The following FAM78B variants were observed in gnomAD, a reference collection of about 807,000 sequenced individuals.
FAM78B encodes family with sequence similarity 78 member B.
A neutral mutation model predicts 20.0 loss-of-function variants in FAM78B; 10 were observed. The observed-to-expected ratio is 0.50, with a 90% CI of 0.31 to 0.85. FAM78B has a LOEUF of 0.85. Among genes scored for constraint, FAM78B ranks in the 40% least tolerant of loss-of-function variants. FAM78B has a pLI of 0.05. For synonymous variants in FAM78B, 135 were observed against 132.8 expected (o/e 1.02, Z -0.12); for missense variants, 283 against 345.0 (o/e 0.82, Z 1.42).
At chr1:166,158,737 G>A (rs923727512) in intron 1 of FAM78B, among the ~76,000 whole-genome samples, 4 of 152,236 alleles carry the variant, frequency 2.6e-5, no homozygotes, top group African/African-American at 9.6e-5. Flanking sequence ...GAGGCAACTT[G>A]CCTGATGACT....
chr1:166,109,843 T>TAC (rs1178112241), intron 1 of FAM78B, among the ~76,000 whole-genome samples: 5 of 28,746 alleles, frequency 1.7e-4, no homozygotes, highest in Admixed American at 1.0e-3. Flanking sequence ...TATATATGTA[T>TAC]ATATATATAT....
At chr1:166,084,237 A>ACACACACACACACACACACT (rs771421402) in intron 1 of FAM78B, among the ~76,000 whole-genome samples, 201 of 125,438 alleles carry the variant, frequency 1.6e-3, no homozygotes, top group African/African-American at 5.6e-3. Flanking sequence ...ACACACACAC[A>ACACACACACACACACACACT]CTCTCTCTCT....
At chr1:166,146,143 A>C (rs1408551428) in intron 1 of FAM78B, among the ~76,000 whole-genome samples, 1 of 152,208 alleles carries the variant, frequency 6.6e-6, no homozygotes, top group Non-Finnish European at 1.5e-5. Context: ...AAAGGTCCAG[A>C]ATCTTCCCTG....
At chr1:166,056,184 A>T (rs565419101), downstream of FAM78B, among the ~76,000 whole-genome samples, 8 of 151,930 alleles carry the variant, frequency 5.3e-5, no homozygotes, top group South Asian at 2.1e-4. Context: ...CTTTTCTTAA[A>T]TTTTTTTTCC....
At chr1:166,157,036 AG>A (rs796777949) in intron 1 of FAM78B, among the ~76,000 whole-genome samples, 43 of 944 alleles carry the variant, frequency 0.046, no homozygotes, top group African/African-American at 0.055. Flanking sequence ...GGGGCGGCGG[AG>A]GGGGGGGGGG....
At chr1:166,155,791 G>A (rs992535598) in intron 1 of FAM78B, among the ~76,000 whole-genome samples, 3 of 151,928 alleles carry the variant, frequency 2.0e-5, no homozygotes, top group Non-Finnish European at 2.9e-5. Context: ...GTGTGGTCTC[G>A]GGAGAGGGAA....
At chr1:166,155,254 C>A (rs1655847871) in intron 1 of FAM78B, among the ~76,000 whole-genome samples, 1 of 152,222 alleles carries the variant, frequency 6.6e-6, no homozygotes, top group African/African-American at 2.4e-5. Context: ...ATTCATTCAA[C>A]CCTTATGAGG....
chr1:166,122,825 G>C (rs940837891), intron 1 of FAM78B, among the ~76,000 whole-genome samples: 1 of 151,982 alleles, frequency 6.6e-6, no homozygotes, highest in African/African-American at 2.4e-5. Context: ...CCCCTTCTTT[G>C]GCCATTTCCA....
intron 1 of FAM78B, among the ~76,000 whole-genome samples, chr1:166,083,705 TGTTGATCAGGATG>T (rs1652674329): frequency 1.3e-5 from 2 of 152,136 alleles, no homozygotes; most frequent in Admixed American, 6.5e-5. Flanking sequence ...GGTTTCACTA[TGTTGATCAGGATG>T]GTCTCGATCT....
chr1:166,151,503 C>T (rs919849595), intron 1 of FAM78B, among the ~76,000 whole-genome samples: 7 of 152,226 alleles, frequency 4.6e-5, no homozygotes, highest in Admixed American at 3.3e-4. Flanking sequence ...CCTAAACATT[C>T]CTGGGTTCTG....
intron 1 of FAM78B, among the ~76,000 whole-genome samples, chr1:166,125,824 T>C (rs761182922): frequency 2.1e-5 from 3 of 145,192 alleles, no homozygotes; most frequent in African/African-American, 7.6e-5. Flanking sequence ...ATTGTATTGC[T>C]ACTTTGAATT....
At chr1:166,155,581 C>T (rs999366741) in intron 1 of FAM78B, among the ~76,000 whole-genome samples, 19 of 152,106 alleles carry the variant, frequency 1.2e-4, no homozygotes, top group Admixed American at 3.3e-4. Context: ...TGGTTCTGAA[C>T]GTCAAGAAAA....
chr1:166,127,849 G>C (rs796421631), intron 1 of FAM78B, among the ~76,000 whole-genome samples: 2 of 152,284 alleles, frequency 1.3e-5, no homozygotes, highest in African/African-American at 4.8e-5. Flanking sequence ...ATGGTACCAA[G>C]ATCACACCTC....
chr1:166,089,280 A>C (rs1417509164), intron 1 of FAM78B, among the ~76,000 whole-genome samples: 1 of 152,220 alleles, frequency 6.6e-6, no homozygotes, highest in African/African-American at 2.4e-5. Flanking sequence ...TTTATGATTT[A>C]ATGTGTCTCT....
intron 1 of FAM78B, among the ~76,000 whole-genome samples, chr1:166,129,721 G>T (rs1312676669): frequency 6.6e-6 from 1 of 152,032 alleles, no homozygotes; most frequent in East Asian, 1.9e-4. Flanking sequence ...AGACCCTGCT[G>T]CTTCTTCTCC....
At chr1:166,094,886 C>T (rs1002768143) in intron 1 of FAM78B, among the ~76,000 whole-genome samples, 4 of 152,196 alleles carry the variant, frequency 2.6e-5, no homozygotes, top group African/African-American at 4.8e-5. Context: ...GAGCATGCTA[C>T]ATAAATTTCT....
chr1:166,091,741 TA>T (rs1653081497), intron 1 of FAM78B, among the ~76,000 whole-genome samples: 1 of 152,216 alleles, frequency 6.6e-6, no homozygotes, highest in African/African-American at 2.4e-5. Flanking sequence ...GATATGGACT[TA>T]GTACCTTACA....
chr1:166,142,025 G>A (rs1655298379), intron 1 of FAM78B, among the ~76,000 whole-genome samples: 1 of 152,168 alleles, frequency 6.6e-6, no homozygotes, highest in African/African-American at 2.4e-5. Flanking sequence ...GAGGTCCCAG[G>A]TGTCCTTGCC....
chr1:166,135,210 C>A (rs1432331172), intron 1 of FAM78B, among the ~76,000 whole-genome samples: 1 of 152,162 alleles, frequency 6.6e-6, no homozygotes, highest in Non-Finnish European at 1.5e-5. Context: ...CGGCTTATAA[C>A]TGCCTCAGAA....
Sources: gnomAD v4.1 joint callset for allele counts (sites outside exome capture counted in the v4.1 genomes callset) on GRCh38, gnomAD v4.1.1 for gene constraint, MANE v1.5 for transcripts, NCBI Gene and HGNC (gene_info 2026-07-23, HGNC 2026-07-21) for gene names.